VEGFC: variants seen among roughly 807,000 people sequenced by gnomAD.
The protein encoded by VEGFC is FLT4 ligand DHM.
A neutral mutation model predicts 46.1 loss-of-function variants in VEGFC; 12 were observed. The observed-to-expected ratio is 0.26, with a 90% CI of 0.17 to 0.42. The LOEUF (loss-of-function observed/expected upper bound fraction) is 0.42. Among genes scored for constraint, VEGFC ranks in the 10% least tolerant of loss-of-function variants. The pLI is 1.00. For synonymous variants in VEGFC, 232 were observed against 195.5 expected, an observed-to-expected ratio of 1.19 and a Z score of -1.56; for missense variants, 488 against 529.4, an observed-to-expected ratio of 0.92 and a Z score of 0.77.
intron 1 of VEGFC, among the ~76,000 whole-genome samples, chr4:176,759,902 A>T (rs1424669842): frequency 2.0e-5 from 3 of 152,092 alleles, no homozygotes; most frequent in Non-Finnish European, 2.9e-5. Flanking sequence ...AAATATTTTT[A>T]AAAATTTAAA....
chr4:176,768,491 C>CATACATATATAT (rs1553996841), intron 1 of VEGFC, among the ~76,000 whole-genome samples: 2 of 100,536 alleles, frequency 2.0e-5, no homozygotes, highest in Non-Finnish European at 4.1e-5. Flanking sequence ...ATGTTTTATA[C>CATACATATATAT]ATATATATAT....
chr4:176,742,135 T>C (rs1223919608), intron 1 of VEGFC, among the ~76,000 whole-genome samples: 1 of 152,034 alleles, frequency 6.6e-6, no homozygotes, highest in Non-Finnish European at 1.5e-5. Flanking sequence ...TCCATCTTTA[T>C]GTGCTTACAT....
chr4:176,707,387 A>G (rs537580348), intron 4 of VEGFC, among the ~76,000 whole-genome samples: 2 of 152,258 alleles, frequency 1.3e-5, no homozygotes, highest in South Asian at 2.1e-4. Flanking sequence ...ATCTTAACAA[A>G]TGTTAGAATT....
intron 3 of VEGFC, among the ~76,000 whole-genome samples, chr4:176,724,479 T>C (rs1376487091): frequency 6.6e-6 from 1 of 152,236 alleles, no homozygotes; most frequent in Non-Finnish European, 1.5e-5. Context: ...GATTATAGGC[T>C]GTAATAAATA....
chr4:176,789,580 A>G (rs1322973234), intron 1 of VEGFC, among the ~76,000 whole-genome samples: 1 of 152,194 alleles, frequency 6.6e-6, no homozygotes, highest in African/African-American at 2.4e-5. Context: ...CAGACTTGCT[A>G]TTCTCTTTTG....
At chr4:176,779,888 T>A (rs981028511) in intron 1 of VEGFC, among the ~76,000 whole-genome samples, 2 of 152,234 alleles carry the variant, frequency 1.3e-5, no homozygotes, top group African/African-American at 4.8e-5. Flanking sequence ...AGTGAAATCA[T>A]GTGTCTTCAG....
intron 1 of VEGFC, among the ~76,000 whole-genome samples, chr4:176,759,275 T>A (rs1735486663): frequency 6.6e-6 from 1 of 152,200 alleles, no homozygotes; most frequent in Middle Eastern, 3.4e-3. Flanking sequence ...AAAAAGGTAC[T>A]TTGTTCAACC....
intron 3 of VEGFC, 134 bp downstream of exon 3, chr4:176,727,644 C>T (rs1734893599): frequency 2.8e-6 from 2 of 713,180 alleles, no homozygotes; most frequent in Admixed American, 5.8e-5. Flanking sequence ...GACTTCATTC[C>T]CCTAAAGAAA....
At chr4:176,693,706 A>T (rs1469353965) in intron 4 of VEGFC, among the ~76,000 whole-genome samples, 2 of 142,688 alleles carry the variant, frequency 1.4e-5, no homozygotes, top group Non-Finnish European at 3.0e-5. Flanking sequence ...TGAAGGAAAA[A>T]ATGTTAAGGG....
intron 1 of VEGFC, among the ~76,000 whole-genome samples, chr4:176,759,377 A>C (rs998404469): frequency 1.3e-5 from 2 of 152,174 alleles, no homozygotes; most frequent in East Asian, 3.8e-4. Flanking sequence ...CAAAAAGACA[A>C]ATATGCATGA....
intron 1 of VEGFC, among the ~76,000 whole-genome samples, chr4:176,768,466 C>T (rs904321727): frequency 1.5e-4 from 14 of 92,952 alleles, no homozygotes; most frequent in Non-Finnish European, 3.2e-4. Flanking sequence ...ATTGTAAATG[C>T]TGCCAAGTAA....
intron 4 of VEGFC, 102 bp from the exon 5 acceptor site, chr4:176,688,029 T>A (rs2110964350): frequency 1.7e-6 from 1 of 577,606 alleles, no homozygotes; most frequent in East Asian, 3.1e-5. Context: ...AGAAAAGCTT[T>A]AAAAATATAA....
intron 1 of VEGFC, among the ~76,000 whole-genome samples, chr4:176,747,400 G>T (rs1024268603): frequency 1.3e-5 from 2 of 151,964 alleles, no homozygotes; most frequent in Non-Finnish European, 2.9e-5. Context: ...TTAAAAAAAA[G>T]AAATAGCACA....
chr4:176,714,515 A>G (rs3822038), intron 3 of VEGFC, among the ~76,000 whole-genome samples: 107,029 of 152,202 alleles, frequency 0.7, 43,555 homozygotes, highest in East Asian at 0.94. Context: ...CAAAGTAATA[A>G]GTAAGCACAG....
chr4:176,749,503 C>T (rs1351679705), intron 1 of VEGFC, among the ~76,000 whole-genome samples: 1 of 151,560 alleles, frequency 6.6e-6, no homozygotes, highest in African/African-American at 2.4e-5. Flanking sequence ...ATTTTCATTA[C>T]CTAAAATTAG....
At chr4:176,712,957 T>A (rs1448522038) in intron 3 of VEGFC, among the ~76,000 whole-genome samples, 1 of 152,198 alleles carries the variant, frequency 6.6e-6, no homozygotes, top group African/African-American at 2.4e-5. Context: ...GCTCTCCCAT[T>A]TATAAGTAGC....
At chr4:176,715,818 G>T (rs184082967) in intron 3 of VEGFC, among the ~76,000 whole-genome samples, 1 of 152,064 alleles carries the variant, frequency 6.6e-6, no homozygotes, top group African/African-American at 2.4e-5. Flanking sequence ...CTTGCATGGC[G>T]CCCTCCCAAA....
chr4:176,684,292 G>A (rs2110958756), intron 6 of VEGFC, among the ~76,000 whole-genome samples: 1 of 152,340 alleles, frequency 6.6e-6, no homozygotes, highest in African/African-American at 2.4e-5. Context: ...GTAAGCATTA[G>A]TTCCTTTGAA....
intron 1 of VEGFC, among the ~76,000 whole-genome samples, chr4:176,758,259 C>T (rs1735467956): frequency 6.6e-6 from 1 of 152,048 alleles, no homozygotes; most frequent in Non-Finnish European, 1.5e-5. Flanking sequence ...ACAAATATTT[C>T]CTCAGTTTTG....
Sources: gnomAD v4.1 joint callset for allele counts (sites outside exome capture counted in the v4.1 genomes callset) on GRCh38, gnomAD v4.1.1 for gene constraint, MANE v1.5 for transcripts, NCBI Gene and HGNC (gene_info 2026-07-23, HGNC 2026-07-21) for gene names.